Variants in PDE4D observed in about 807,000 individuals in gnomAD.
PDE4D encodes phosphodiesterase 4D.
PDE4D carries 24 observed loss-of-function variants against 87.4 expected under a neutral mutation model. The ratio of observed to expected loss-of-function variants is 0.27; its 90% CI spans 0.20 to 0.39. PDE4D has a LOEUF of 0.39. PDE4D is among the 10% of genes least tolerant of loss of function. The pLI is 1.00. For missense variants in PDE4D, 714 were observed against 1,041.0 expected (o/e 0.69, Z 4.32); for synonymous variants, 384 against 383.2 (o/e 1.00, Z -0.02).
intron 1 of PDE4D, among the ~76,000 whole-genome samples, chr5:60,512,563 C>T (rs138642715): frequency 2.6e-5 from 4 of 151,942 alleles, no homozygotes; most frequent in Admixed American, 6.6e-5. Flanking sequence ...TTCTACCTAC[C>T]TACCTAGGGA....
chr5:60,412,766 T>G, intron 1 of PDE4D, among the ~76,000 whole-genome samples: 1 of 152,352 alleles, frequency 6.6e-6, no homozygotes, highest in East Asian at 1.9e-4. Context: ...ATTTTGGTTA[T>G]TTAAAAATAT....
intron 1 of PDE4D, among the ~76,000 whole-genome samples, chr5:59,618,838 T>C (rs1830012681): frequency 6.6e-6 from 1 of 152,122 alleles, no homozygotes; most frequent in Admixed American, 6.6e-5. Flanking sequence ...TTGGTGCCCT[T>C]ATAAGGGCAA....
chr5:60,268,257 G>T (rs1750450949), intron 1 of PDE4D, among the ~76,000 whole-genome samples: 1 of 152,184 alleles, frequency 6.6e-6, no homozygotes, highest in African/African-American at 2.4e-5. Flanking sequence ...AAATCTGAGA[G>T]GAAATGTTTA....
At chr5:60,139,402 G>T (rs545212120) in intron 2 of PDE4D, among the ~76,000 whole-genome samples, 1 of 152,042 alleles carries the variant, frequency 6.6e-6, no homozygotes, top group Non-Finnish European at 1.5e-5. Flanking sequence ...GGCATTATAT[G>T]TTAATCATAT....
At chr5:58,991,034 A>G (rs1747797395) in intron 8 of PDE4D, 132 bp from the exon 9 acceptor site, 1 of 600,220 alleles carries the variant, frequency 1.7e-6, no homozygotes, top group Admixed American at 2.9e-5. Context: ...TAATCCCAGA[A>G]CTTTGGGAGG....
chr5:59,170,959 G>C (rs1468640446), intron 5 of PDE4D, among the ~76,000 whole-genome samples: 1 of 148,346 alleles, frequency 6.7e-6, no homozygotes, highest in Non-Finnish European at 1.5e-5. Context: ...TCGGCTCACT[G>C]TAACCTCTGC....
chr5:60,429,242 T>C (rs1006024594), intron 1 of PDE4D, among the ~76,000 whole-genome samples: 1 of 152,230 alleles, frequency 6.6e-6, no homozygotes, highest in Non-Finnish European at 1.5e-5. Flanking sequence ...GCTATATTTC[T>C]AGATATGTTA....
intron 5 of PDE4D, among the ~76,000 whole-genome samples, chr5:59,074,451 T>C (rs1010293615): frequency 1.4e-4 from 21 of 152,194 alleles, no homozygotes; most frequent in African/African-American, 4.6e-4. Flanking sequence ...AGGTTGAAAC[T>C]GAAAAGAATT....
At chr5:60,118,833 C>T (rs529680380) in intron 2 of PDE4D, among the ~76,000 whole-genome samples, 29 of 152,128 alleles carry the variant, frequency 1.9e-4, no homozygotes, top group African/African-American at 6.5e-4. Context: ...TCCACTGAAA[C>T]AAAATCTCTG....
At chr5:60,096,388 T>C (rs11951424) in intron 2 of PDE4D, among the ~76,000 whole-genome samples, 7,188 of 152,190 alleles carry the variant, frequency 0.047, 231 homozygotes, top group Middle Eastern at 0.11. Flanking sequence ...ACCCCTTCCT[T>C]ATACCTTATA....
intron 1 of PDE4D, among the ~76,000 whole-genome samples, chr5:60,468,530 G>A (rs1392148521): frequency 6.6e-6 from 1 of 151,794 alleles, no homozygotes; most frequent in Non-Finnish European, 1.5e-5. Context: ...CAAAAATTGA[G>A]GCAATTCTAG....
intron 1 of PDE4D, among the ~76,000 whole-genome samples, chr5:59,870,542 T>C (rs1256900145): frequency 6.6e-6 from 1 of 152,220 alleles, no homozygotes; most frequent in Non-Finnish European, 1.5e-5. Flanking sequence ...TTTATTTGTA[T>C]CACTGTAAGA....
chr5:60,316,530 G>A (rs907737652), intron 1 of PDE4D, among the ~76,000 whole-genome samples: 8 of 152,294 alleles, frequency 5.3e-5, no homozygotes, highest in African/African-American at 1.7e-4. Flanking sequence ...ATGTTGAGTA[G>A]GAGTGGTGAG....
intron 2 of PDE4D, among the ~76,000 whole-genome samples, chr5:60,056,851 C>T (rs1770831863): frequency 6.6e-6 from 1 of 151,938 alleles, no homozygotes; most frequent in Non-Finnish European, 1.5e-5. Flanking sequence ...CAAACATGAG[C>T]TCTAATTTGA....
At chr5:59,217,078 G>GA in intron 1 of PDE4D, 1 of 384,056 alleles carries the variant, frequency 2.6e-6, no homozygotes, top group Admixed American at 3.5e-5. Context: ...TTAGAGCTGG[G>GA]AAAAAATCTA....
At chr5:59,379,124 C>T (rs1785277060) in intron 1 of PDE4D, among the ~76,000 whole-genome samples, 1 of 152,060 alleles carries the variant, frequency 6.6e-6, no homozygotes, top group Non-Finnish European at 1.5e-5. Flanking sequence ...TAGTGCACGG[C>T]AACTAAGCCA....
chr5:59,047,779 C>A (rs1580508412), intron 5 of PDE4D, among the ~76,000 whole-genome samples: 1 of 152,136 alleles, frequency 6.6e-6, no homozygotes, highest in Non-Finnish European at 1.5e-5. Context: ...GAAAGCCCTT[C>A]GGAAGTAATT....
At chr5:59,358,790 CA>C in intron 1 of PDE4D, among the ~76,000 whole-genome samples, 1 of 151,950 alleles carries the variant, frequency 6.6e-6, no homozygotes, top group East Asian at 1.9e-4. Context: ...ATGTTGCTGG[CA>C]AAGATGGACT....
intron 1 of PDE4D, among the ~76,000 whole-genome samples, chr5:60,218,630 G>T (rs1428744629): frequency 1.3e-5 from 2 of 152,134 alleles, no homozygotes; most frequent in African/African-American, 4.8e-5. Context: ...ATTTCAAATG[G>T]AAAGTCTGTG....
Sources: gnomAD v4.1 joint callset for allele counts (sites outside exome capture counted in the v4.1 genomes callset) on GRCh38, gnomAD v4.1.1 for gene constraint, MANE v1.5 for transcripts, NCBI Gene and HGNC (gene_info 2026-07-23, HGNC 2026-07-21) for gene names.